ZNF891: variants seen among roughly 807,000 people sequenced by gnomAD.
The protein encoded by ZNF891 is hCG1646157.
For synonymous variants in ZNF891, 199 were observed against 209.0 expected, an observed-to-expected ratio of 0.95 and a Z score of 0.41; for missense variants, 589 against 632.7, an observed-to-expected ratio of 0.93 and a Z score of 0.74.
At position 133,120,899 on chromosome 12, in the gene ZNF891, T is replaced by A. The variant is rs1955751399; in HGVS notation, c.1020A>T (p.Lys340Asn). The change falls in exon 2 of 2, where the codon AAA (lysine) becomes AAT (asparagine). Residue 340 changes from lysine to asparagine, a missense_variant. By Grantham distance (94) the Lys-to-Asn change is moderately conservative. Transcript: ENST00000537226. ...KRISNLTLYK[K>N]SHMGEKQYEC... is the part of the protein sequence containing the mutation. ...CATATTGTTTCTCACCCATGTGACT[T>A]TTCTTGTATAAAGTAAGATTAGAAA... 1 of 1,538,626 alleles carries A rather than the reference T, an allele frequency of 6.5e-7. No homozygotes were observed. The highest frequency in any genetic ancestry group is 1.4e-5 in the African/African-American group (1 of 73,060).
chr12:133,106,780 C>A lies in ZNF891; in HGVS notation c.*13504G>T. On this transcript the variant is annotated 3_prime_UTR_variant, in exon 2 of 2. Transcript: ENST00000537226. ...TGACTGTGAAGTAATATGGCCCACACTTTATTCACCACCCTGGAGAAAAAA... is the reference window on the plus strand; with the variant it reads ...TGACTGTGAAGTAATATGGCCCACAATTTATTCACCACCCTGGAGAAAAAA... 1 of 771,134 alleles carries A rather than the reference C, an allele frequency of 1.3e-6. No homozygotes were observed. The highest frequency in any genetic ancestry group is 1.9e-6 in the Non-Finnish European group (1 of 523,896). The allele number at this position is 771,134 out of a possible 1,614,324, so 47.8% of individuals were successfully genotyped here.
At position 133,106,149 on chromosome 12, in the gene ZNF891, A is replaced by G; in HGVS notation, c.*14135T>C. ...AGCAGTGGCTCAGAACTCATTCGCC[A>G]CCAGATTACACATACTGGAGAGAAA... is the stretch of plus-strand genomic sequence containing the variant. On this transcript the variant is annotated 3_prime_UTR_variant, in exon 2 of 2. Transcript: ENST00000537226. The G allele has an allele frequency of 3.1e-6, 5 of 1,614,180 alleles. No homozygotes were observed. The highest frequency in any genetic ancestry group is 4.2e-6 in the Non-Finnish European group (5 of 1,180,028).
chr12:133,105,833 G>A lies in ZNF891; in HGVS notation c.*14451C>T, dbSNP rs867714443. ...GTTACACCAGAGGACTCATACTGGA[G>A]AGAAACCATATGCATGTAAGGAATG... On this transcript the variant is annotated 3_prime_UTR_variant, in exon 2 of 2. Coordinates refer to ENST00000537226, the MANE Select transcript of ZNF891 (RefSeq NM_001277291.2). 6.2e-7 allele frequency: 1 copy of A among 1,614,182 alleles called. No homozygotes were observed. The highest frequency in any genetic ancestry group is 8.5e-7 in the Non-Finnish European group (1 of 1,180,044).
chr12:133,123,015 G>T (rs750154134), intron 1 of ZNF891, among the ~76,000 whole-genome samples: 1 of 152,180 alleles, frequency 6.6e-6, no homozygotes, highest in African/African-American at 2.4e-5. Flanking sequence ...TAAGGATCAT[G>T]ACAAATCACA....
rs1282318657 is a variant in ZNF891 at position 133,104,843 on chromosome 12, A to T, written c.*15441T>A. ...TTTTAGGTTAAAGGTTACTCATGTT[A>T]CATGAGCAAATTGTGTGTCATGGGG... is the stretch of plus-strand genomic sequence containing the variant. On this transcript the variant is annotated 3_prime_UTR_variant, in exon 2 of 2. Coordinates refer to ENST00000537226, the MANE Select transcript of ZNF891 (RefSeq NM_001277291.2). Among the ~76,000 whole-genome samples the T allele has an allele frequency of 6.6e-6, 1 of 152,202 alleles. No individual in the cohort carries two copies. Among genetic ancestry groups the T allele is most frequent in the Non-Finnish European group, 1.5e-5 (1 of 68,040 alleles).
chr12:133,113,080 T>TATA lies in ZNF891; in HGVS notation c.*7203_*7204insTAT, dbSNP rs1566332499. The TATA allele has an allele frequency of 1.2e-4, 17 of 145,804 alleles. No individual in the cohort carries two copies. The highest frequency in any genetic ancestry group is 4.3e-4 in the African/African-American group (17 of 39,494). 9.0% of individuals were successfully genotyped at this position (145,804 alleles called of 1,614,324 possible). On this transcript the variant is annotated 3_prime_UTR_variant, in exon 2 of 2. Transcript: ENST00000537226. ...TCTCAAAAAATATATATATATATAT[T>TATA]TATATTTATTTATTAAAAATATATT...
rs1365612485 is a variant in ZNF891 at position 133,107,671 on chromosome 12, A to C, written c.*12613T>G. 3.3e-5 allele frequency: 5 copies of C among 152,214 alleles called. No individual in the cohort carries two copies. The highest frequency in any genetic ancestry group is 1.3e-4 in the Admixed American group (2 of 15,282). 9.4% of individuals were successfully genotyped at this position (152,214 alleles called of 1,614,324 possible). A position where few individuals can be genotyped will look rare whatever the true frequency, so the allele number is the denominator to read the frequency against. ...GAAACAAATATAAGATACATCACAGAAAATTACCAAGGTATTCTTCCTGTT... is the reference window on the plus strand; with the variant it reads ...GAAACAAATATAAGATACATCACAGCAAATTACCAAGGTATTCTTCCTGTT... On this transcript the variant is annotated 3_prime_UTR_variant, in exon 2 of 2. Coordinates refer to ENST00000537226, the MANE Select transcript of ZNF891 (RefSeq NM_001277291.2).
chr12:133,119,476 G>A lies in ZNF891; in HGVS notation c.*808C>T, dbSNP rs1955735553. 1 of 152,296 alleles carries A rather than the reference G, an allele frequency of 6.6e-6. No individual in the cohort carries two copies. The highest frequency in any genetic ancestry group is 2.4e-5 in the African/African-American group (1 of 41,456). The allele number at this position is 152,296 out of a possible 1,614,324, so 9.4% of individuals were successfully genotyped here. A position where few individuals can be genotyped will look rare whatever the true frequency, so the allele number is the denominator to read the frequency against. The stretch of plus-strand genomic sequence containing the variant: ...GAGAATCACCTGAACCTGGGAGGTG[G>A]AGGTTGCAGTGAGCTGAGATTGTGC... On this transcript the variant is annotated 3_prime_UTR_variant, in exon 2 of 2. Coordinates refer to ENST00000537226, the MANE Select transcript of ZNF891 (RefSeq NM_001277291.2).
Position 133,113,717 on chromosome 12 carries a change from T to C in ZNF891, c.*6567A>G, listed in dbSNP as rs993054838. 1 of 77,086 alleles carries C rather than the reference T, an allele frequency of 1.3e-5. No homozygotes were observed. The highest frequency in any genetic ancestry group is 1.2e-4 in the Admixed American group (1 of 8,482). The allele number at this position is 77,086 out of a possible 1,614,324, so 4.8% of individuals were successfully genotyped here. On this transcript the variant is annotated 3_prime_UTR_variant, in exon 2 of 2. Transcript: ENST00000537226. ...ACATTTATTGCTTTACTGTCCCAAG[T>C]TTTTTTTGGTTTGTTTTTGTTTTTA...
In ZNF891 at chr12:133,107,155, C is replaced by T. The variant is rs1955628840; in HGVS notation, c.*13129G>A. On this transcript the variant is annotated 3_prime_UTR_variant, in exon 2 of 2. Transcript: ENST00000537226. Reference sequence around the variant, plus strand: ...TTTGGGAATGCCTTCATTTACAATGCAATACTTACATTTTAATACTCTTGT... The same window carrying T: ...TTTGGGAATGCCTTCATTTACAATGTAATACTTACATTTTAATACTCTTGT... 6.6e-6 allele frequency: 1 copy of T among 152,618 alleles called. No individual in the cohort carries two copies. Among genetic ancestry groups the T allele is most frequent in the African/African-American group, 2.4e-5 (1 of 41,436 alleles). 9.5% of individuals were successfully genotyped at this position (152,618 alleles called of 1,614,324 possible).
At position 133,108,281 on chromosome 12, in the gene ZNF891, A is replaced by G. The variant is rs1955653498; in HGVS notation, c.*12003T>C. On this transcript the variant is annotated 3_prime_UTR_variant, in exon 2 of 2. Transcript: ENST00000537226. ...GTCCTCAAGCAGCATGCCTTATTAC[A>G]TATGGGTATCTAGTATCTGATTTGG... 6.6e-6 allele frequency: 1 copy of G among 151,272 alleles called. No individual in the cohort carries two copies. Among genetic ancestry groups the G allele is most frequent in the Non-Finnish European group, 1.5e-5 (1 of 67,966 alleles). 9.4% of individuals were successfully genotyped at this position (151,272 alleles called of 1,614,324 possible). A position where few individuals can be genotyped will look rare whatever the true frequency, so the allele number is the denominator to read the frequency against.
rs933616834 is a variant in ZNF891, at chr12:133,115,662, A to G, written c.*4622T>C. The stretch of plus-strand genomic sequence containing the variant: ...TAATAGGATACCATGGCAGCTGCAT[A>G]GAAAACATACTAAAGGAAAGTATGA... On this transcript the variant is annotated 3_prime_UTR_variant, in exon 2 of 2. Coordinates refer to ENST00000537226, the MANE Select transcript of ZNF891 (RefSeq NM_001277291.2). 4 of 152,118 alleles carry G rather than the reference A, an allele frequency of 2.6e-5. No homozygotes were observed. Among genetic ancestry groups the G allele is most frequent in the Non-Finnish European group, 5.9e-5 (4 of 68,040 alleles). 9.4% of individuals were successfully genotyped at this position (152,118 alleles called of 1,614,324 possible).
Position 133,106,986 on chromosome 12 carries a change from A to G in ZNF891, c.*13298T>C, listed in dbSNP as rs1955624072. 1.1e-5 allele frequency: 2 copies of G among 177,686 alleles called. No individual in the cohort carries two copies. The highest frequency in any genetic ancestry group is 2.4e-5 in the Non-Finnish European group (2 of 84,248). 11.0% of individuals were successfully genotyped at this position (177,686 alleles called of 1,614,324 possible). On this transcript the variant is annotated 3_prime_UTR_variant, in exon 2 of 2. Coordinates refer to ENST00000537226, the MANE Select transcript of ZNF891 (RefSeq NM_001277291.2). ...TACCAGGAAAGAATACATATCCAAT[A>G]GATTGGAGAAAGCCAGAGATTAGCC... is the stretch of plus-strand genomic sequence containing the variant.
intron 1 of ZNF891, among the ~76,000 whole-genome samples, chr12:133,128,685 G>T (rs1048170134): frequency 4.0e-5 from 6 of 151,660 alleles, no homozygotes; most frequent in African/African-American, 1.5e-4. Context: ...GCCGGGCGTG[G>T]TGGGGCCTGA....
At position 133,111,071 on chromosome 12, in the gene ZNF891, C is replaced by CT. The variant is rs1290740222; in HGVS notation, c.*9212dup. 6.6e-6 allele frequency: 1 copy of CT among 152,118 alleles called. No homozygotes were observed. Among genetic ancestry groups the CT allele is most frequent in the Admixed American group, 6.6e-5 (1 of 15,266 alleles). 9.4% of individuals were successfully genotyped at this position (152,118 alleles called of 1,614,324 possible). ...AGCAAAGAGAGGTAGCAAAACCTGC[C>CT]TATTGGGTATGATTGATTTGGAAGA... is the stretch of plus-strand genomic sequence containing the variant. On this transcript the variant is annotated 3_prime_UTR_variant, in exon 2 of 2. Coordinates refer to ENST00000537226, the MANE Select transcript of ZNF891 (RefSeq NM_001277291.2).
At position 133,108,060 on chromosome 12, in the gene ZNF891, A is replaced by T. The variant is rs993424652; in HGVS notation, c.*12224T>A. On this transcript the variant is annotated 3_prime_UTR_variant, in exon 2 of 2. Transcript: ENST00000537226. ...TCCTCAAACCTGCCATTGGCATGCC[A>T]TATTGGTACATACATTTAGAAGCTT... The T allele has an allele frequency of 6.6e-6, 1 of 152,192 alleles. No individual in the cohort carries two copies. Among genetic ancestry groups the T allele is most frequent in the Admixed American group, 6.5e-5 (1 of 15,278 alleles). The allele number at this position is 152,192 out of a possible 1,614,324, so 9.4% of individuals were successfully genotyped here. A position where few individuals can be genotyped will look rare whatever the true frequency, so the allele number is the denominator to read the frequency against.
rs772368685 is a variant in ZNF891 at position 133,106,696 on chromosome 12, A to AAAG, written c.*13585_*13587dup. The AAAG allele has an allele frequency of 6.8e-7, 1 of 1,475,638 alleles. No homozygotes were observed. The highest frequency in any genetic ancestry group is 1.4e-5 in the African/African-American group (1 of 71,036). The allele number at this position is 1,475,638 out of a possible 1,614,324, so 91.4% of individuals were successfully genotyped here. ...ACTATGAATGTATGGAATTTTTTAA[A>AAAG]AAGAAGTATAATGCCTTACTTCAGA... On this transcript the variant is annotated 3_prime_UTR_variant, in exon 2 of 2. Coordinates refer to ENST00000537226, the MANE Select transcript of ZNF891 (RefSeq NM_001277291.2).
rs1955740677 is a variant in ZNF891, at chr12:133,120,157, G to C, written c.*127C>G. 2 of 708,946 alleles carry C rather than the reference G, an allele frequency of 2.8e-6. No homozygotes were observed. Among genetic ancestry groups the C allele is most frequent in the African/African-American group, 3.6e-5 (2 of 56,210 alleles). The allele number at this position is 708,946 out of a possible 1,614,324, so 43.9% of individuals were successfully genotyped here. The stretch of plus-strand genomic sequence containing the variant: ...AAAAAAGTCATAATTAGTATTTACA[G>C]AAAATGTTATATTAAAAAAAGAGCC... On this transcript the variant is annotated 3_prime_UTR_variant, in exon 2 of 2. Transcript: ENST00000537226.
Position 133,108,287 on chromosome 12 carries a change from G to A in ZNF891, c.*11997C>T, listed in dbSNP as rs1195231494. ...AAGCAGCATGCCTTATTACATATGG[G>A]TATCTAGTATCTGATTTGGTTTTCT... is the stretch of plus-strand genomic sequence containing the variant. On this transcript the variant is annotated 3_prime_UTR_variant, in exon 2 of 2. Transcript: ENST00000537226. 6.6e-6 allele frequency: 1 copy of A among 151,604 alleles called. No individual in the cohort carries two copies. Among genetic ancestry groups the A allele is most frequent in the South Asian group, 2.1e-4 (1 of 4,816 alleles). The allele number at this position is 151,604 out of a possible 1,614,324, so 9.4% of individuals were successfully genotyped here.
Sources: allele counts gnomAD v4.1 joint callset (sites outside exome capture counted in the v4.1 genomes callset), GRCh38; gene constraint gnomAD v4.1.1; transcripts MANE v1.5; gene names NCBI Gene and HGNC (gene_info 2026-07-23, HGNC 2026-07-21).